The following OLA1 variants were observed in gnomAD, a reference collection of about 807,000 sequenced individuals.
The protein encoded by OLA1 is obg-like ATPase 1.
Under a neutral mutation model 48.4 loss-of-function variants are expected in OLA1, and 14 were observed. The observed-to-expected ratio is 0.29, with a 90% CI of 0.19 to 0.45. The LOEUF (loss-of-function observed/expected upper bound fraction) is 0.45, where lower values mean the gene tolerates loss of function less well. Ranked by LOEUF, OLA1 falls within the 20% of genes least tolerant of loss-of-function variation. OLA1 has a pLI of 1.00. For synonymous variants in OLA1, 127 were observed against 150.4 expected (o/e 0.84, Z 1.14); for missense variants, 325 against 467.1 (o/e 0.70, Z 2.80).
chr2:174,114,336 C>A (rs1685728029), intron 7 of OLA1, among the ~76,000 whole-genome samples: 1 of 81,946 alleles, frequency 1.2e-5, no homozygotes, highest in African/African-American at 5.4e-5. Flanking sequence ...AGCAAGACTC[C>A]GCCTCAAAAA....
At chr2:174,245,032 T>A (rs1003110860) in intron 2 of OLA1, among the ~76,000 whole-genome samples, 1 of 152,200 alleles carries the variant, frequency 6.6e-6, no homozygotes. Context: ...ACACTTAATA[T>A]GGCCCATTTT....
chr2:174,242,430 T>A (rs908860924), intron 2 of OLA1, among the ~76,000 whole-genome samples: 2 of 152,156 alleles, frequency 1.3e-5, no homozygotes, highest in Non-Finnish European at 2.9e-5. Context: ...GCTGCTCGCC[T>A]CCTGCCATGC....
At chr2:174,221,753 C>G (rs1392133970) in intron 4 of OLA1, among the ~76,000 whole-genome samples, 1 of 152,162 alleles carries the variant, frequency 6.6e-6, no homozygotes, top group African/African-American at 2.4e-5. Context: ...AATGGTATCA[C>G]AATTCATTCA....
intron 2 of OLA1, among the ~76,000 whole-genome samples, chr2:174,239,240 T>C (rs539935762): frequency 3.9e-5 from 6 of 152,234 alleles, no homozygotes; most frequent in Admixed American, 2.0e-4. Flanking sequence ...ACAATATATG[T>C]ACAAAATTTC....
intron 5 of OLA1, among the ~76,000 whole-genome samples, chr2:174,128,425 A>T (rs941198118): frequency 6.7e-5 from 10 of 148,478 alleles, no homozygotes; most frequent in African/African-American, 2.5e-4. Context: ...AGAAATAAAC[A>T]TTTTTTTTTT....
At chr2:174,190,346 T>C (rs1312011585) in intron 4 of OLA1, among the ~76,000 whole-genome samples, 2 of 152,134 alleles carry the variant, frequency 1.3e-5, no homozygotes, top group Non-Finnish European at 2.9e-5. Context: ...ATATTTGACA[T>C]ATATCTCATT....
chr2:174,082,687 GAAT>G (rs2105340137), intron 7 of OLA1, among the ~76,000 whole-genome samples: 1 of 152,188 alleles, frequency 6.6e-6, no homozygotes, highest in South Asian at 2.1e-4. Context: ...GTGAGAACAA[GAAT>G]AATAGAACTG....
At chr2:174,196,468 T>C (rs958325544) in intron 4 of OLA1, among the ~76,000 whole-genome samples, 1 of 152,230 alleles carries the variant, frequency 6.6e-6, no homozygotes, top group Non-Finnish European at 1.5e-5. Context: ...TTTATGAAAC[T>C]GTCATTTTAA....
intron 4 of OLA1, among the ~76,000 whole-genome samples, chr2:174,211,275 G>C (rs1039089201): frequency 2.6e-5 from 4 of 151,948 alleles, no homozygotes; most frequent in Non-Finnish European, 4.4e-5. Context: ...GTAGAACAGA[G>C]TGTACAAACA....
chr2:174,117,721 C>T (rs1685816157), intron 7 of OLA1, among the ~76,000 whole-genome samples: 1 of 152,152 alleles, frequency 6.6e-6, no homozygotes, highest in Admixed American at 6.6e-5. Context: ...TGACATTGTT[C>T]ACCTTTCCTT....
At chr2:174,235,500 A>G (rs753319698) in intron 2 of OLA1, among the ~76,000 whole-genome samples, 1 of 152,218 alleles carries the variant, frequency 6.6e-6, no homozygotes, top group Non-Finnish European at 1.5e-5. Flanking sequence ...GTTTTCACAC[A>G]AAGGACAATA....
At chr2:174,222,016 T>C (rs1426707308) in intron 4 of OLA1, among the ~76,000 whole-genome samples, 2 of 152,190 alleles carry the variant, frequency 1.3e-5, no homozygotes, top group African/African-American at 4.8e-5. Context: ...GCTTCTCAAA[T>C]TGTCTGTCAT....
chr2:174,091,236 A>T (rs1685105760), intron 7 of OLA1, among the ~76,000 whole-genome samples: 1 of 152,218 alleles, frequency 6.6e-6, no homozygotes, highest in African/African-American at 2.4e-5. Context: ...AGTAGTTTTC[A>T]ACCTCTTCTG....
chr2:174,133,222 G>C (rs918644726), intron 5 of OLA1, among the ~76,000 whole-genome samples: 1 of 152,110 alleles, frequency 6.6e-6, no homozygotes, highest in Non-Finnish European at 1.5e-5. Flanking sequence ...TGGTTCGTTC[G>C]ATTTAAGATT....
intron 4 of OLA1, among the ~76,000 whole-genome samples, chr2:174,173,230 C>T (rs2105407496): frequency 6.6e-6 from 1 of 152,352 alleles, no homozygotes; most frequent in South Asian, 2.1e-4. Flanking sequence ...TCAAGACTCT[C>T]TACCATCATC....
intron 4 of OLA1, among the ~76,000 whole-genome samples, chr2:174,173,555 T>C (rs1687354419): frequency 6.6e-6 from 1 of 152,176 alleles, no homozygotes; most frequent in Admixed American, 6.5e-5. Context: ...GTTTACAACT[T>C]GATTTTTTTT....
chr2:174,175,739 C>G (rs937613267), intron 4 of OLA1, among the ~76,000 whole-genome samples: 15 of 151,944 alleles, frequency 9.9e-5, no homozygotes, highest in Non-Finnish European at 1.8e-4. Context: ...GAAATAGAAA[C>G]ATATATCCAT....
rs1558975306 is a variant in OLA1, at chr2:174,144,954, AT to A, written c.374-2955del. ...TTAAAAAAAAAAAAAAAAAAAAAAT[AT>A]ATATATATATATATATATATATATA... On this transcript the variant is annotated intron_variant, in intron 4 of 10. Coordinates refer to ENST00000284719, the MANE Select transcript of OLA1 (RefSeq NM_013341.5). Among the ~76,000 whole-genome samples the A allele has an allele frequency of 7.8e-3, 460 of 58,778 alleles. 3 individuals carry two copies. Among genetic ancestry groups the A allele is most frequent in the East Asian group, 0.011 (21 of 1,848 alleles). The allele number at this position is 58,778 out of a possible 152,430, so 38.6% of individuals were successfully genotyped here.
rs1684645284 is a variant in OLA1, at chr2:174,073,138, T to C, written c.*2288A>G. On this transcript the variant is annotated 3_prime_UTR_variant, in exon 11 of 11. Coordinates refer to ENST00000284719, the MANE Select transcript of OLA1 (RefSeq NM_013341.5). ...CTAAGTAGCTGGGACTACAGGTGTG[T>C]GCCATGATGCCCAGCTAATTTTTGT... 6.6e-6 allele frequency: 1 copy of C among 152,154 alleles called. No homozygotes were observed. Among genetic ancestry groups the C allele is most frequent in the East Asian group, 1.9e-4 (1 of 5,184 alleles). The allele number at this position is 152,154 out of a possible 1,614,324, so 9.4% of individuals were successfully genotyped here.
Sources: gnomAD v4.1 joint callset for allele counts (sites outside exome capture counted in the v4.1 genomes callset) on GRCh38, gnomAD v4.1.1 for gene constraint, MANE v1.5 for transcripts, NCBI Gene and HGNC (gene_info 2026-07-23, HGNC 2026-07-21) for gene names.